FAM124A: variants seen among roughly 807,000 people sequenced by gnomAD.
FAM124A encodes the protein protein FAM124A.
FAM124A carries 23 observed loss-of-function variants against 24.5 expected under a neutral mutation model. The ratio of observed to expected loss-of-function variants is 0.94; its 90% CI spans 0.68 to 1.33. The LOEUF (loss-of-function observed/expected upper bound fraction) is 1.33. Ranked by LOEUF, FAM124A falls within the 40% of genes most tolerant of loss-of-function variation. The probability of loss-of-function intolerance (pLI) is 0.00; values close to 1 mark genes in which losing one functional copy is unlikely to be tolerated. For missense variants in FAM124A, 623 were observed against 722.8 expected (o/e 0.86, Z 1.58); for synonymous variants, 287 against 314.7 (o/e 0.91, Z 0.93).
intron 1 of FAM124A, among the ~76,000 whole-genome samples, chr13:51,223,486 C>G (rs1954283622): frequency 6.6e-6 from 1 of 152,120 alleles, no homozygotes; most frequent in Non-Finnish European, 1.5e-5. Flanking sequence ...GCCTAGACTA[C>G]AGAAAGCCTC....
At chr13:51,225,610 A>G (rs545406466) in intron 1 of FAM124A, among the ~76,000 whole-genome samples, 90 of 152,312 alleles carry the variant, frequency 5.9e-4, no homozygotes, top group African/African-American at 2.1e-3. Context: ...GTTTTTGAGA[A>G]AGGAAGGAGA....
At chr13:51,224,286 T>G (rs1237669079) in intron 1 of FAM124A, among the ~76,000 whole-genome samples, 1 of 152,180 alleles carries the variant, frequency 6.6e-6, no homozygotes, top group East Asian at 1.9e-4. Flanking sequence ...CTGGCCAACA[T>G]GGAGAAACCT....
chr13:51,252,132 C>T lies in FAM124A; in HGVS notation c.765C>T (p.Asn255=). 4 of 1,613,990 alleles carry T rather than the reference C, an allele frequency of 2.5e-6. No individual in the cohort carries two copies. Among genetic ancestry groups the T allele is most frequent in the Non-Finnish European group, 3.4e-6 (4 of 1,180,040 alleles). ...DIGELVPLLP[N]PCSPISEGRW... ...GCGAGCTCGTGCCTCTCCTGCCCAACCCTTGCAGCCCCATCAGCGAGGGGC... is the reference window on the plus strand; with the variant it reads ...GCGAGCTCGTGCCTCTCCTGCCCAATCCTTGCAGCCCCATCAGCGAGGGGC... Residue 255 remains asparagine, a synonymous_variant, in exon 3 of 4, where the codon AAC becomes AAT. Transcript: ENST00000322475.
At chr13:51,275,606 GC>G (rs147418371) in intron 3 of FAM124A, among the ~76,000 whole-genome samples, 13,555 of 152,196 alleles carry the variant, frequency 0.089, 635 homozygotes, top group South Asian at 0.17. Flanking sequence ...TGCCTAAATA[GC>G]CCATAAACAT....
chr13:51,251,797 C>A lies in FAM124A; in HGVS notation c.430C>A (p.Leu144Met). 6.3e-7 allele frequency: 1 copy of A among 1,594,238 alleles called. No homozygotes were observed. The highest frequency in any genetic ancestry group is 2.3e-5 in the East Asian group (1 of 43,842). Residue 144 changes from leucine (L) to methionine (M), a missense_variant, in exon 3 of 4, where the codon CTG becomes ATG. By Grantham distance (15) the Leu-to-Met change is conservative. Coordinates refer to ENST00000322475, the MANE Select transcript of FAM124A (RefSeq NM_001242312.2). This position sits in a 1 kb window ranked among gnomAD's most constrained non-coding sequence, Gnocchi z 5.3. ...EQVHGRFLPYLPCSQDFFTLA... is the reference protein window; with the variant it reads ...EQVHGRFLPYMPCSQDFFTLA... Reference sequence around the variant, plus strand: ...GGTGCACGGCCGGTTCCTGCCCTACCTGCCCTGCAGCCAGGACTTCTTCAC... The same window carrying A: ...GGTGCACGGCCGGTTCCTGCCCTACATGCCCTGCAGCCAGGACTTCTTCAC...
chr13:51,268,334 G>A (rs945489772), intron 3 of FAM124A, among the ~76,000 whole-genome samples: 11 of 152,230 alleles, frequency 7.2e-5, no homozygotes, highest in African/African-American at 2.4e-4. Flanking sequence ...CAAGGAGGAA[G>A]TTTCCAGAAC....
rs1475377 is a variant in FAM124A at position 51,283,511 on chromosome 13, A to G, written c.*2255A>G. ...ATGCTGCTGTGGTGTGTCATGCCAA[A>G]AAAGTGGGCTACTCAGGTTAGACCA... On this transcript the variant is annotated 3_prime_UTR_variant, in exon 4 of 4. Transcript: ENST00000322475. 12,360 of 152,090 alleles carry G rather than the reference A, an allele frequency of 0.081. 712 individuals carry two copies. Among genetic ancestry groups the G allele is most frequent in the East Asian group, 0.22 (1,145 of 5,154 alleles). The allele number at this position is 152,090 out of a possible 1,614,324, so 9.4% of individuals were successfully genotyped here.
Position 51,281,296 on chromosome 13 carries a change from G to T in FAM124A, c.*40G>T. 1 of 1,515,824 alleles carries T rather than the reference G, an allele frequency of 6.6e-7. No homozygotes were observed. The highest frequency in any genetic ancestry group is 1.3e-5 in the South Asian group (1 of 77,196). 93.9% of individuals were successfully genotyped at this position (1,515,824 alleles called of 1,614,324 possible). On this transcript the variant is annotated 3_prime_UTR_variant, in exon 4 of 4. Transcript: ENST00000322475. ...TGTTCTCGAAACACACAAACTCAGAGACACAGACTCAGGCCCCACTGCCCC... is the reference window on the plus strand; with the variant it reads ...TGTTCTCGAAACACACAAACTCAGATACACAGACTCAGGCCCCACTGCCCC...
chr13:51,239,560 G>A (rs1954470358), intron 2 of FAM124A, among the ~76,000 whole-genome samples: 1 of 152,064 alleles, frequency 6.6e-6, no homozygotes, highest in African/African-American at 2.4e-5. Flanking sequence ...GTTCACTATT[G>A]TTGGTCCTAT....
rs1566168320 is a variant in FAM124A at position 51,251,902 on chromosome 13, C to CGCTACGACAACTAT, written c.539_552dup (p.Asp185ThrfsTer13). ...AATCGTGCGCTTCACCGTCTACTGT[C>CGCTACGACAACTAT]GCTACGACAACTATGCTGACAGCCT... On this transcript the variant is annotated frameshift_variant, in exon 3 of 4. Transcript: ENST00000322475. LOFTEE classifies it high-confidence loss of function. The surrounding 1 kb of genome is among the most constrained non-coding windows in gnomAD (Gnocchi z 5.3). 3 of 1,614,130 alleles carry CGCTACGACAACTAT rather than the reference C, an allele frequency of 1.9e-6. No homozygotes were observed. Among genetic ancestry groups the CGCTACGACAACTAT allele is most frequent in the Non-Finnish European group, 2.5e-6 (3 of 1,180,040 alleles).
intron 3 of FAM124A, 135 bp downstream of exon 3, chr13:51,252,336 C>T (rs1024221680): frequency 1.4e-5 from 18 of 1,286,000 alleles, no homozygotes; most frequent in Non-Finnish European, 1.9e-5. Flanking sequence ...AGCTCCTAGT[C>T]GAAGTCAAAG....
At chr13:51,276,387 C>G (rs761554683) in intron 3 of FAM124A, among the ~76,000 whole-genome samples, 2 of 152,166 alleles carry the variant, frequency 1.3e-5, no homozygotes, top group Non-Finnish European at 2.9e-5. Flanking sequence ...TTCCAGAAAG[C>G]CTTACACTTC....
chr13:51,246,933 G>A (rs1954570801), intron 2 of FAM124A, among the ~76,000 whole-genome samples: 2 of 152,176 alleles, frequency 1.3e-5, no homozygotes, highest in Non-Finnish European at 2.9e-5. Flanking sequence ...AGGCTTTCTT[G>A]GGTGACTGTT....
intron 3 of FAM124A, among the ~76,000 whole-genome samples, chr13:51,257,928 G>C (rs1382265280): frequency 6.6e-6 from 1 of 152,190 alleles, no homozygotes; most frequent in Non-Finnish European, 1.5e-5. Flanking sequence ...CACAAACTGG[G>C]TGGCTTAAAC....
At position 51,235,025 on chromosome 13, in the gene FAM124A, C is replaced by A. The variant is rs970476560; in HGVS notation, c.100+3646C>A. Reference sequence around the variant, plus strand: ...ACTTCGCTGACTTGTCCTCTGTCCCCGTCCAGATCCGGGGGATGTGACCGG... The same window carrying A: ...ACTTCGCTGACTTGTCCTCTGTCCCAGTCCAGATCCGGGGGATGTGACCGG... On this transcript the variant is annotated intron_variant, in intron 2 of 3. Coordinates refer to ENST00000322475, the MANE Select transcript of FAM124A (RefSeq NM_001242312.2). Among the ~76,000 whole-genome samples, 3 of 152,314 alleles carry A rather than the reference C, an allele frequency of 2.0e-5. No homozygotes were observed. The South Asian group carries it at 6.2e-4, about 32-fold the overall frequency.
chr13:51,268,377 A>G (rs9596491), intron 3 of FAM124A, among the ~76,000 whole-genome samples: 33,797 of 152,164 alleles, frequency 0.22, 3,808 homozygotes, highest in Middle Eastern at 0.32. Flanking sequence ...ATAATTTTAT[A>G]AACTCTCTTA....
chr13:51,260,078 C>G (rs1324423548), intron 3 of FAM124A, among the ~76,000 whole-genome samples: 1 of 152,090 alleles, frequency 6.6e-6, no homozygotes, highest in Non-Finnish European at 1.5e-5. Flanking sequence ...GAGGAGGGCT[C>G]CTGGGGCCGT....
At chr13:51,237,107 T>C (rs1380730545) in intron 2 of FAM124A, among the ~76,000 whole-genome samples, 1 of 152,198 alleles carries the variant, frequency 6.6e-6, no homozygotes, top group Non-Finnish European at 1.5e-5. Context: ...TAAAGAAAAG[T>C]CACCAATATT....
At chr13:51,235,054 G>C (rs764899412) in intron 2 of FAM124A, among the ~76,000 whole-genome samples, 1 of 151,406 alleles carries the variant, frequency 6.6e-6, no homozygotes, top group African/African-American at 2.4e-5. Context: ...TGACCGGGGG[G>C]CTTCTTTAAT....
Sources: allele counts gnomAD v4.1 joint callset (sites outside exome capture counted in the v4.1 genomes callset), GRCh38; gene constraint gnomAD v4.1.1; non-coding constraint Gnocchi (gnomAD v3.1); transcripts MANE v1.5; gene names NCBI Gene and HGNC (gene_info 2026-07-23, HGNC 2026-07-21).